DGKD: variants seen among roughly 807,000 people sequenced by gnomAD.
DGKD encodes the protein diacylglycerol kinase delta.
Under a neutral mutation model 154.4 loss-of-function variants are expected in DGKD, and 68 were observed. The ratio of observed to expected loss-of-function variants is 0.44; its 90% CI spans 0.36 to 0.54. The LOEUF is 0.54. Ranked by LOEUF, DGKD falls within the 20% of genes least tolerant of loss-of-function variation. The pLI is 0.00. For synonymous variants in DGKD, 693 were observed against 638.0 expected (o/e 1.09, Z -1.30); for missense variants, 1,343 against 1,593.6 (o/e 0.84, Z 2.68).
At chr2:233,432,287 A>G (rs539633456) in intron 3 of DGKD, among the ~76,000 whole-genome samples, 1 of 94,088 alleles carries the variant, frequency 1.1e-5, no homozygotes, top group East Asian at 2.6e-4. Flanking sequence ...GCACTTTGGG[A>G]GGCCAAGGTG....
Position 233,457,807 on chromosome 2 carries a change from G to C in DGKD, c.2581-477G>C, listed in dbSNP as rs569012001. ...GAGACAGGAGAGGGCTGCAGGGCCT[G>C]GGTCACACTGGGCTGTGTGAGCTGG... On this transcript the variant is annotated intron_variant, in intron 21 of 29. Transcript: ENST00000264057. The surrounding 1 kb of genome is among the most constrained non-coding windows in gnomAD (Gnocchi z 5.5). The C allele has an allele frequency of 4.3e-5, 15 of 352,556 alleles. No homozygotes were observed. Among genetic ancestry groups the C allele is most frequent in the Non-Finnish European group, 6.7e-5 (12 of 178,778 alleles). The allele number at this position is 352,556 out of a possible 1,614,324, so 21.8% of individuals were successfully genotyped here.
chr2:233,449,005 G>C lies in DGKD; in HGVS notation c.1615-98G>C. The stretch of plus-strand genomic sequence containing the variant: ...GAGAGTTAGGATTTTCCTTTTGATC[G>C]AGTTCTAGGAAGTCTGGGTGAAATG... On this transcript the variant is annotated intron_variant, in intron 14 of 29. Transcript: ENST00000264057. This position sits in a 1 kb window ranked among gnomAD's most constrained non-coding sequence, Gnocchi z 5.3. The C allele has an allele frequency of 7.0e-7, 1 of 1,418,820 alleles. No individual in the cohort carries two copies. Among genetic ancestry groups the C allele is most frequent in the Non-Finnish European group, 9.4e-7 (1 of 1,061,852 alleles). 87.9% of individuals were successfully genotyped at this position (1,418,820 alleles called of 1,614,324 possible). A position where few individuals can be genotyped will look rare whatever the true frequency, so the allele number is the denominator to read the frequency against.
intron 3 of DGKD, among the ~76,000 whole-genome samples, chr2:233,391,467 T>G (rs2125447577): frequency 1.3e-5 from 2 of 152,314 alleles, no homozygotes; most frequent in Non-Finnish European, 2.9e-5. Context: ...ATCTAAATGT[T>G]CATGATATTA....
At chr2:233,437,744 C>T (rs1024137908) in intron 8 of DGKD, among the ~76,000 whole-genome samples, 4 of 152,178 alleles carry the variant, frequency 2.6e-5, no homozygotes, top group Non-Finnish European at 4.4e-5. Flanking sequence ...CTTAGACAGG[C>T]CTGAGACCCG....
intron 1 of DGKD, among the ~76,000 whole-genome samples, chr2:233,370,345 C>G (rs778099384): frequency 2.6e-5 from 4 of 152,182 alleles, no homozygotes; most frequent in Non-Finnish European, 4.4e-5. Context: ...CCCCCAGTAG[C>G]TGGCATTACA....
At chr2:233,367,534 A>G (rs1350581629) in intron 1 of DGKD, among the ~76,000 whole-genome samples, 1 of 151,640 alleles carries the variant, frequency 6.6e-6, no homozygotes, top group Non-Finnish European at 1.5e-5. Context: ...CAGCTGTATT[A>G]ATGACTTTTA....
In DGKD at chr2:233,457,510, GAGCAGTTGTGTC is replaced by G; in HGVS notation, c.2580+185_2580+196del. 1 of 684,690 alleles carries G rather than the reference GAGCAGTTGTGTC, an allele frequency of 1.5e-6. No homozygotes were observed. The highest frequency in any genetic ancestry group is 2.8e-5 in the East Asian group (1 of 35,750). 42.4% of individuals were successfully genotyped at this position (684,690 alleles called of 1,614,324 possible). A position where few individuals can be genotyped will look rare whatever the true frequency, so the allele number is the denominator to read the frequency against. On this transcript the variant is annotated intron_variant, in intron 21 of 29. Transcript: ENST00000264057. The surrounding 1 kb of genome is among the most constrained non-coding windows in gnomAD (Gnocchi z 5.5). ...AGCTCATCGTCTAGAGGGCTGAGCA[GAGCAGTTGTGTC>G]AGTGAAGGTGGTCAGTGAGGGTCTG...
chr2:233,390,535 CT>C, intron 3 of DGKD, 52 bp downstream of exon 3: 2 of 1,367,600 alleles, frequency 1.5e-6, no homozygotes, highest in Non-Finnish European at 2.1e-6. Flanking sequence ...GTTGGCTTTC[CT>C]TTTTGATCTG....
Position 233,438,865 on chromosome 2 carries a change from A to G in DGKD, c.1085+486A>G, listed in dbSNP as rs1030773868. Among the ~76,000 whole-genome samples the G allele has an allele frequency of 1.3e-5, 2 of 151,922 alleles. No individual in the cohort carries two copies. Among genetic ancestry groups the G allele is most frequent in the African/African-American group, 4.8e-5 (2 of 41,286 alleles). Reference sequence around the variant, plus strand: ...TCGTTCTTTGTAACAGCTGCCTAACATTGAGGAAGAAGCTGTCCTGCAGCG... The same window carrying G: ...TCGTTCTTTGTAACAGCTGCCTAACGTTGAGGAAGAAGCTGTCCTGCAGCG... On this transcript the variant is annotated intron_variant, in intron 9 of 29. Coordinates refer to ENST00000264057, the MANE Select transcript of DGKD (RefSeq NM_152879.3). This position sits in a 1 kb window ranked among gnomAD's most constrained non-coding sequence, Gnocchi z 4.1.
chr2:233,380,526 G>C (rs1702834155), intron 1 of DGKD, among the ~76,000 whole-genome samples: 2 of 152,162 alleles, frequency 1.3e-5, no homozygotes, highest in South Asian at 4.1e-4. Flanking sequence ...CCAAGCACTT[G>C]CCTACCTCCC....
intron 1 of DGKD, among the ~76,000 whole-genome samples, chr2:233,355,971 A>G (rs944192348): frequency 1.3e-5 from 2 of 152,152 alleles, no homozygotes; most frequent in African/African-American, 4.8e-5. Flanking sequence ...GTGTGTTGGA[A>G]CCATGGTCAG....
chr2:233,378,311 C>CT (rs1405761821), intron 1 of DGKD, among the ~76,000 whole-genome samples: 1 of 151,524 alleles, frequency 6.6e-6, no homozygotes, highest in African/African-American at 2.4e-5. Flanking sequence ...ACTCAGGAGG[C>CT]TGAGACGGGA....
chr2:233,387,087 C>T (rs892735568), intron 1 of DGKD, among the ~76,000 whole-genome samples: 9 of 152,222 alleles, frequency 5.9e-5, no homozygotes, highest in African/African-American at 1.7e-4. Flanking sequence ...GAACAGGCAG[C>T]GCAGTGTTCT....
intron 3 of DGKD, among the ~76,000 whole-genome samples, chr2:233,418,480 A>G (rs2062018399): frequency 6.6e-6 from 1 of 152,250 alleles, no homozygotes; most frequent in Non-Finnish European, 1.5e-5. Context: ...GTCACGTTTC[A>G]TTTTTAAGTA....
intron 1 of DGKD, among the ~76,000 whole-genome samples, chr2:233,377,272 C>T (rs1031335716): frequency 2.0e-5 from 3 of 151,988 alleles, no homozygotes; most frequent in South Asian, 2.1e-4. Flanking sequence ...TTAGTAGAGA[C>T]GGAGTTTCAC....
intron 1 of DGKD, among the ~76,000 whole-genome samples, chr2:233,371,387 G>T (rs1200647606): frequency 1.3e-5 from 2 of 151,806 alleles, no homozygotes; most frequent in East Asian, 1.9e-4. Context: ...TTTTCCAATC[G>T]GGTTGTCTTC....
At position 233,468,477 on chromosome 2, in the gene DGKD, G is replaced by A. The variant is rs2124973701; in HGVS notation, c.3479G>A (p.Cys1160Tyr). Residue 1160 changes from cysteine (C) to tyrosine (Y), a missense_variant, in exon 29 of 30, where the codon TGT (cysteine) becomes TAT (tyrosine). By Grantham distance (194) the Cys-to-Tyr change is radical. This residue lies in a region of DGKD where 429 missense variants were observed against 496.3 expected (regional missense o/e 0.86). Coordinates refer to ENST00000264057, the MANE Select transcript of DGKD (RefSeq NM_152879.3). ...GCCTGGCTGGAGCACCTCAGTCTCT[G>A]TGAGTATAAGGACATCTTCACACGG... is the stretch of plus-strand genomic sequence containing the variant. The part of the protein sequence containing the change: ...VAAWLEHLSL[C>Y]EYKDIFTRHD... 6.2e-7 allele frequency: 1 copy of A among 1,613,604 alleles called. No homozygotes were observed. Among genetic ancestry groups the A allele is most frequent in the East Asian group, 2.2e-5 (1 of 44,846 alleles).
Position 233,445,539 on chromosome 2 carries a change from G to A in DGKD, c.1195-84G>A, listed in dbSNP as rs1021415105. 2 of 1,503,648 alleles carry A rather than the reference G, an allele frequency of 1.3e-6. No individual in the cohort carries two copies. The highest frequency in any genetic ancestry group is 2.4e-5 in the East Asian group (1 of 41,992). The allele number at this position is 1,503,648 out of a possible 1,614,324, so 93.1% of individuals were successfully genotyped here. ...CCACATTGCTAACGTAACCCTCACG[G>A]TGGGGGACAAGGAGGGCTGCGGGCT... On this transcript the variant is annotated intron_variant, in intron 10 of 29. Coordinates refer to ENST00000264057, the MANE Select transcript of DGKD (RefSeq NM_152879.3). The surrounding 1 kb of genome is among the most constrained non-coding windows in gnomAD (Gnocchi z 5.5).
At chr2:233,444,022 TCTC>T (rs1306828091) in intron 10 of DGKD, among the ~76,000 whole-genome samples, 3 of 152,064 alleles carry the variant, frequency 2.0e-5, no homozygotes, top group Admixed American at 2.0e-4. Context: ...TGCTGGGGCC[TCTC>T]CTCCTTCGCT....
Sources: allele counts gnomAD v4.1 joint callset (sites outside exome capture counted in the v4.1 genomes callset), GRCh38; gene constraint gnomAD v4.1.1; regional missense constraint gnomAD v4.1.1; non-coding constraint Gnocchi (gnomAD v3.1); transcripts MANE v1.5; gene names NCBI Gene and HGNC (gene_info 2026-07-23, HGNC 2026-07-21).